GABRB2: variants seen among roughly 807,000 people sequenced by gnomAD.
The protein encoded by GABRB2 is gamma-aminobutyric acid receptor subunit beta-2.
GABRB2 carries 16 observed loss-of-function variants against 54.7 expected under a neutral mutation model. That is an observed-to-expected ratio of 0.29 (90% CI 0.20 to 0.44). The LOEUF (loss-of-function observed/expected upper bound fraction) is 0.44, where lower values mean the gene tolerates loss of function less well. Ranked by LOEUF, GABRB2 falls within the 20% of genes least tolerant of loss-of-function variation. The pLI is 1.00. For synonymous variants in GABRB2, 244 were observed against 233.8 expected (o/e 1.04, Z -0.40); for missense variants, 355 against 644.0 (o/e 0.55, Z 4.86).
intron 4 of GABRB2, among the ~76,000 whole-genome samples, chr5:161,418,225 A>G (rs887213238): frequency 1.3e-5 from 2 of 152,192 alleles, no homozygotes; most frequent in East Asian, 3.9e-4. Flanking sequence ...ATACTACTCA[A>G]TTGAAAATAT....
chr5:161,456,767 A>G (rs191965679), intron 4 of GABRB2, among the ~76,000 whole-genome samples: 2 of 152,300 alleles, frequency 1.3e-5, no homozygotes, highest in African/African-American at 2.4e-5. Context: ...TGATATTAAT[A>G]TTATTACTAT....
intron 4 of GABRB2, among the ~76,000 whole-genome samples, chr5:161,448,057 T>C (rs1350603971): frequency 6.6e-6 from 1 of 152,170 alleles, no homozygotes; most frequent in Non-Finnish European, 1.5e-5. Flanking sequence ...GGGATAATGA[T>C]GTTTGTGCAG....
intron 3 of GABRB2, among the ~76,000 whole-genome samples, chr5:161,468,105 T>A (rs1462593727): frequency 6.6e-6 from 1 of 152,082 alleles, no homozygotes; most frequent in Admixed American, 6.6e-5. Flanking sequence ...GGCACTATTA[T>A]TTACGAGTTC....
chr5:161,316,714 C>G (rs192147721), intron 9 of GABRB2, among the ~76,000 whole-genome samples: 2 of 151,990 alleles, frequency 1.3e-5, no homozygotes, highest in Non-Finnish European at 2.9e-5. Flanking sequence ...TGGGTTCAAG[C>G]GATTCTCCTG....
intron 4 of GABRB2, among the ~76,000 whole-genome samples, chr5:161,446,781 T>G (rs1459782062): frequency 6.6e-6 from 1 of 152,146 alleles, no homozygotes; most frequent in Non-Finnish European, 1.5e-5. Flanking sequence ...AACCCCTGTG[T>G]CTTTGACTCC....
intron 3 of GABRB2, among the ~76,000 whole-genome samples, chr5:161,461,306 C>G (rs1319879317): frequency 6.6e-6 from 1 of 152,078 alleles, no homozygotes; most frequent in East Asian, 1.9e-4. Flanking sequence ...TTAATCCCAG[C>G]CTTACGGACA....
intron 5 of GABRB2, among the ~76,000 whole-genome samples, chr5:161,375,772 A>G (rs1414109289): frequency 6.6e-6 from 1 of 152,192 alleles, no homozygotes; most frequent in African/African-American, 2.4e-5. Context: ...GCTTTTAAAT[A>G]GCCCAGCATT....
intron 9 of GABRB2, among the ~76,000 whole-genome samples, chr5:161,323,015 T>G (rs1347768900): frequency 6.6e-5 from 10 of 151,558 alleles, no homozygotes; most frequent in Admixed American, 6.6e-4. Context: ...ATTTTTAGTA[T>G]CTTGAAATAT....
chr5:161,376,751 C>A (rs764487377), intron 5 of GABRB2, among the ~76,000 whole-genome samples: 2 of 152,076 alleles, frequency 1.3e-5, no homozygotes, highest in Non-Finnish European at 2.9e-5. Context: ...GCCATATACC[C>A]TAATTCCTGC....
At chr5:161,518,809 C>T (rs1760029607) in intron 3 of GABRB2, among the ~76,000 whole-genome samples, 1 of 152,160 alleles carries the variant, frequency 6.6e-6, no homozygotes, top group African/African-American at 2.4e-5. Context: ...TAGAAAAAGA[C>T]ATATGACAAA....
At chr5:161,395,420 A>G (rs1755964517) in intron 5 of GABRB2, among the ~76,000 whole-genome samples, 1 of 152,178 alleles carries the variant, frequency 6.6e-6, no homozygotes, top group African/African-American at 2.4e-5. Flanking sequence ...TCATTATTCA[A>G]CAAATAGTTC....
intron 9 of GABRB2, among the ~76,000 whole-genome samples, chr5:161,298,200 C>T (rs1305925800): frequency 3.3e-5 from 5 of 152,014 alleles, no homozygotes; most frequent in Admixed American, 6.6e-5. Flanking sequence ...TGAATAGATT[C>T]CAAACACTTT....
intron 4 of GABRB2, among the ~76,000 whole-genome samples, chr5:161,416,385 C>G (rs1359068612): frequency 6.6e-6 from 1 of 152,032 alleles, no homozygotes; most frequent in Non-Finnish European, 1.5e-5. Flanking sequence ...TTTCAGTAGA[C>G]TCCTTAAGAG....
chr5:161,311,602 T>C (rs1757870870), intron 9 of GABRB2, among the ~76,000 whole-genome samples: 1 of 152,208 alleles, frequency 6.6e-6, no homozygotes, highest in Non-Finnish European at 1.5e-5. Flanking sequence ...TACAGAATCC[T>C]CAGTGTAGTT....
At chr5:161,390,515 A>G (rs146952603) in intron 5 of GABRB2, among the ~76,000 whole-genome samples, 40 of 152,192 alleles carry the variant, frequency 2.6e-4, no homozygotes, top group Admixed American at 6.6e-4. Flanking sequence ...AAACCTGTTG[A>G]TATCTGAATA....
At chr5:161,493,556 AT>A (rs1288916289) in intron 3 of GABRB2, among the ~76,000 whole-genome samples, 2 of 151,772 alleles carry the variant, frequency 1.3e-5, no homozygotes, top group Non-Finnish European at 3.0e-5. Flanking sequence ...TTTAAAAAAA[AT>A]TCTCATTGAA....
chr5:161,421,599 A>T (rs1441241674), intron 4 of GABRB2, among the ~76,000 whole-genome samples: 1 of 152,160 alleles, frequency 6.6e-6, no homozygotes, highest in African/African-American at 2.4e-5. Flanking sequence ...CTGCATGGAA[A>T]ATATGTGTGA....
chr5:161,295,548 A>G (rs1757359656), intron 9 of GABRB2, among the ~76,000 whole-genome samples: 1 of 152,224 alleles, frequency 6.6e-6, no homozygotes, highest in Admixed American at 6.5e-5. Flanking sequence ...GGCCAGTGAT[A>G]GGCTCTGATG....
chr5:161,510,925 A>G (rs1759748350), intron 3 of GABRB2, among the ~76,000 whole-genome samples: 1 of 151,980 alleles, frequency 6.6e-6, no homozygotes, highest in Admixed American at 6.6e-5. Flanking sequence ...AGTTGCTTAG[A>G]GGCTCATAAT....
Sources: gnomAD v4.1 joint callset for allele counts (sites outside exome capture counted in the v4.1 genomes callset) on GRCh38, gnomAD v4.1.1 for gene constraint, MANE v1.5 for transcripts, NCBI Gene and HGNC (gene_info 2026-07-23, HGNC 2026-07-21) for gene names.